GPR35: variants seen among roughly 807,000 people sequenced by gnomAD.
GPR35 encodes KYNA receptor.
For synonymous variants in GPR35, 207 were observed against 198.4 expected, an observed-to-expected ratio of 1.04 and a Z score of -0.36; for missense variants, 372 against 422.5, an observed-to-expected ratio of 0.88 and a Z score of 1.05.
intron 5 of GPR35, among the ~76,000 whole-genome samples, chr2:240,619,385 G>C (rs531577728): frequency 6.6e-6 from 1 of 152,206 alleles, no homozygotes; most frequent in Non-Finnish European, 1.5e-5. Flanking sequence ...CTATCAGCAG[G>C]CGTCTTGCCT....
In GPR35 at chr2:240,616,321, C is replaced by T; in HGVS notation, c.-576-67C>T. On this transcript the variant is annotated intron_variant, in intron 2 of 5. Coordinates refer to the GPR35 transcript ENST00000319838. ...GGATGCATACGAGGTCCCCGCGGTC[C>T]CGGCCGACATACCTGTTGGGTTCTT... 5.7e-6 allele frequency: 4 copies of T among 701,306 alleles called. No individual in the cohort carries two copies. In the Admixed American group the frequency reaches 6.1e-5, roughly 11 times the overall value. 43.4% of individuals were successfully genotyped at this position (701,306 alleles called of 1,614,324 possible).
rs561991534 is a variant in GPR35 at position 240,631,979 on chromosome 2, C to T, written c.*1097C>T. On this transcript the variant is annotated 3_prime_UTR_variant, in exon 2 of 2. Transcript: ENST00000407714. ...ATGGCATCTCACAGGACCCAGGCTC[C>T]GGAGGGCCCATGCCCAGGAGAGCCC... 2.2e-4 allele frequency among the ~76,000 whole-genome samples: 32 copies of T among 145,078 alleles called. No individual in the cohort carries two copies. Among genetic ancestry groups the T allele is most frequent in the East Asian group, 6.4e-4 (3 of 4,660 alleles).
At position 240,625,484 on chromosome 2, in the gene GPR35, C is replaced by T; in HGVS notation, c.-89C>T. 1.0e-6 allele frequency: 1 copy of T among 985,774 alleles called. No homozygotes were observed. The highest frequency in any genetic ancestry group is 1.2e-6 in the Non-Finnish European group (1 of 830,180). The allele number at this position is 985,774 out of a possible 1,614,324, so 61.1% of individuals were successfully genotyped here. The stretch of plus-strand genomic sequence containing the variant: ...GGGGTGGCTCACCCCAGCTTCACTT[C>T]CCCCAGCCCTTCTCAGACAGCCACT... On this transcript the variant is annotated 5_prime_UTR_variant, in exon 1 of 2. Coordinates refer to ENST00000407714, the MANE Select transcript of GPR35 (RefSeq NM_005301.5).
rs2043441980 is a variant in GPR35, at chr2:240,631,017, T to G, written c.*135T>G. ...CTGTGTATTCTCTTGGAGCCTTGGG[T>G]GGGCAGGGACGGCCCAGGTACCTGC... is the stretch of plus-strand genomic sequence containing the variant. On this transcript the variant is annotated 3_prime_UTR_variant, in exon 2 of 2. Coordinates refer to ENST00000407714, the MANE Select transcript of GPR35 (RefSeq NM_005301.5). 1.3e-6 allele frequency: 1 copy of G among 750,630 alleles called. No homozygotes were observed. The highest frequency in any genetic ancestry group is 1.8e-5 in the African/African-American group (1 of 56,836). The allele number at this position is 750,630 out of a possible 1,614,324, so 46.5% of individuals were successfully genotyped here.
intron 2 of GPR35, among the ~76,000 whole-genome samples, chr2:240,611,080 G>A (rs1295591533): frequency 1.3e-5 from 2 of 152,048 alleles, no homozygotes; most frequent in Admixed American, 6.6e-5. Context: ...TTACAGGTGC[G>A]TGCCACTACG....
At chr2:240,622,363 C>T (rs896665153), upstream of GPR35, among the ~76,000 whole-genome samples, 19 of 152,194 alleles carry the variant, frequency 1.2e-4, no homozygotes, top group East Asian at 3.9e-4. Context: ...TGAACGTAAA[C>T]GGCTTTTCTC....
At chr2:240,629,638 G>C (rs76110943) in intron 1 of GPR35, 19,914 of 297,790 alleles carry the variant, frequency 0.067, 914 homozygotes, top group Middle Eastern at 0.09. Flanking sequence ...GGAGGGTAGG[G>C]CTTGCTGGGC....
chr2:240,609,530 C>T (rs1026675631), intron 2 of GPR35, among the ~76,000 whole-genome samples: 1 of 152,084 alleles, frequency 6.6e-6, no homozygotes, highest in Admixed American at 6.5e-5. Context: ...GTGTCTTATA[C>T]CTTGTTGCTA....
At chr2:240,613,763 C>G (rs372247783) in intron 2 of GPR35, among the ~76,000 whole-genome samples, 1 of 147,614 alleles carries the variant, frequency 6.8e-6, no homozygotes, top group African/African-American at 2.5e-5. Context: ...TAACCCTAAC[C>G]GAAACCCTAA....
rs1421513793 is a variant in GPR35, at chr2:240,614,400, C to T, written c.-576-1988C>T. On this transcript the variant is annotated intron_variant, in intron 2 of 5. Coordinates refer to the GPR35 transcript ENST00000319838. The stretch of plus-strand genomic sequence containing the variant: ...ACTCTTCAGCCAATGTCAGACCTCA[C>T]CTTAACCGTCACCTTCACGATCACC... 2.0e-5 allele frequency among the ~76,000 whole-genome samples: 3 copies of T among 152,340 alleles called. No homozygotes were observed. In the South Asian group the frequency reaches 6.2e-4, roughly 32 times the overall value.
At chr2:240,625,826 T>C (rs112503440) in intron 1 of GPR35, among the ~76,000 whole-genome samples, 24 of 66,186 alleles carry the variant, frequency 3.6e-4, no homozygotes, top group South Asian at 1.2e-3. Flanking sequence ...GAGGCTGTGA[T>C]GGGTGTCTCA....
intron 1 of GPR35, among the ~76,000 whole-genome samples, chr2:240,626,620 G>A (rs2043381686): frequency 6.6e-6 from 1 of 152,152 alleles, no homozygotes; most frequent in African/African-American, 2.4e-5. Flanking sequence ...CTGTGGCCCC[G>A]AGGTGAGCAG....
intron 1 of GPR35, chr2:240,629,628 G>A (rs114082096): frequency 0.016 from 4,561 of 277,376 alleles, 58 homozygotes; most frequent in Non-Finnish European, 0.023. Flanking sequence ...TTTGCGCTCT[G>A]GAGGGTAGGG....
intron 1 of GPR35, chr2:240,628,711 G>A (rs1315936953): frequency 1.3e-5 from 2 of 152,402 alleles, no homozygotes; most frequent in East Asian, 3.9e-4. Context: ...GGCAGAGGGA[G>A]GAGGAAGGCC....
upstream of GPR35, among the ~76,000 whole-genome samples, chr2:240,624,965 C>CGTGTGCATGTGTGTGTGCAT (rs2043352443): frequency 6.6e-6 from 1 of 152,090 alleles, no homozygotes; most frequent in Non-Finnish European, 1.5e-5. Flanking sequence ...TGTGCATTGG[C>CGTGTGCATGTGTGTGTGCAT]GTGTGCATGT....
chr2:240,622,131 T>C (rs2043302935), upstream of GPR35, among the ~76,000 whole-genome samples: 1 of 152,092 alleles, frequency 6.6e-6, no homozygotes, highest in South Asian at 2.1e-4. Flanking sequence ...CCTCCCACCT[T>C]GGCCTCCCAA....
chr2:240,607,338 A>C (rs1476858935), intron 2 of GPR35: 2 of 151,932 alleles, frequency 1.3e-5, no homozygotes, highest in East Asian at 3.9e-4. Flanking sequence ...ACAGATCACC[A>C]CACCTGGCTA....
chr2:240,616,876 C>G (rs2043244631), intron 3 of GPR35: 2 of 732,710 alleles, frequency 2.7e-6, no homozygotes, highest in Middle Eastern at 4.6e-4. Context: ...GTGTGCTGCC[C>G]TGTGAAGAGG....
At chr2:240,613,719 G>T (rs1399729622) in intron 2 of GPR35, among the ~76,000 whole-genome samples, 5 of 150,682 alleles carry the variant, frequency 3.3e-5, no homozygotes, top group African/African-American at 1.2e-4. Context: ...GAACCTTAAA[G>T]CTAATTAACA....
Sources: allele counts gnomAD v4.1 joint callset (sites outside exome capture counted in the v4.1 genomes callset), GRCh38; gene constraint gnomAD v4.1.1; transcripts MANE v1.5; gene names NCBI Gene and HGNC (gene_info 2026-07-23, HGNC 2026-07-21).